Variants in ZNF804A observed in about 807,000 individuals in gnomAD.
The protein encoded by ZNF804A is zinc finger protein 804A.
Under a neutral mutation model 16.5 loss-of-function variants are expected in ZNF804A, and 2 were observed. The ratio of observed to expected loss-of-function variants is 0.12; its 90% confidence interval spans 0.05 to 0.38. The LOEUF is 0.38. Among genes scored for constraint, ZNF804A ranks in the 10% least tolerant of loss-of-function variants. The pLI, the probability that ZNF804A is intolerant of heterozygous loss-of-function variation, is 0.99. For missense variants in ZNF804A, 1,473 were observed against 1,390.7 expected (o/e 1.06, Z -0.94); for synonymous variants, 534 against 489.6 (o/e 1.09, Z -1.20).
At chr2:184,604,255 C>T (rs1691101304) in intron 1 of ZNF804A, among the ~76,000 whole-genome samples, 3 of 145,374 alleles carry the variant, frequency 2.1e-5, no homozygotes, top group South Asian at 2.2e-4. Context: ...ACTGCAAGCT[C>T]CGCCTCCCGG....
At chr2:184,670,383 AT>A (rs890835729) in intron 1 of ZNF804A, among the ~76,000 whole-genome samples, 4 of 151,474 alleles carry the variant, frequency 2.6e-5, no homozygotes, top group African/African-American at 9.7e-5. Flanking sequence ...CCTTTATTTT[AT>A]TTTTTTTCTG....
At chr2:184,856,351 TA>T (rs879343609) in intron 1 of ZNF804A, among the ~76,000 whole-genome samples, 153 of 146,026 alleles carry the variant, frequency 1.0e-3, no homozygotes, top group Admixed American at 3.5e-3. Context: ...TCTTTTTATC[TA>T]AAAAAAAAAA....
chr2:184,730,580 C>A (rs1693497947), intron 1 of ZNF804A, among the ~76,000 whole-genome samples: 1 of 152,156 alleles, frequency 6.6e-6, no homozygotes, highest in Non-Finnish European at 1.5e-5. Context: ...TTTACTGTTT[C>A]CCTAGTTTTG....
intron 1 of ZNF804A, among the ~76,000 whole-genome samples, chr2:184,604,146 CTTTTTTTTTTTTTTTTTT>C (rs759053144): frequency 0.014 from 616 of 44,798 alleles, 9 homozygotes; most frequent in African/African-American, 0.04. Flanking sequence ...ACTGCAATTA[CTTTTTTTTTTTTTTTTTT>C]TTTTTTTTTT....
intron 1 of ZNF804A, among the ~76,000 whole-genome samples, chr2:184,605,525 C>T (rs913497180): frequency 6.6e-6 from 1 of 151,996 alleles, no homozygotes; most frequent in Non-Finnish European, 1.5e-5. Context: ...AGAAAAAAAG[C>T]ACATTGTATT....
chr2:184,910,601 A>G (rs1177258642), intron 2 of ZNF804A, among the ~76,000 whole-genome samples: 1 of 152,086 alleles, frequency 6.6e-6, no homozygotes, highest in Non-Finnish European at 1.5e-5. Context: ...AACAGTGTAG[A>G]AGCATTCTCT....
At position 184,859,716 on chromosome 2, in the gene ZNF804A, T is replaced by C. The variant is rs142320089; in HGVS notation, c.112-6653T>C. Among the ~76,000 whole-genome samples the C allele has an allele frequency of 2.3e-4, 35 of 152,356 alleles. No individual in the cohort carries two copies. The East Asian group carries it at 6.8e-3, about 29-fold the overall frequency. On this transcript the variant is annotated intron_variant, in intron 1 of 3. Transcript: ENST00000302277. ...ATGTGTATGCATTAGAAATAGTTTA[T>C]TATTCCAGGTTCTTTGTCTGGGAAA...
chr2:184,882,139 A>C (rs1424398524), intron 2 of ZNF804A, among the ~76,000 whole-genome samples: 7 of 152,080 alleles, frequency 4.6e-5, no homozygotes, highest in Non-Finnish European at 1.0e-4. Flanking sequence ...AGGGGTTCCT[A>C]TTATAATTTC....
intron 1 of ZNF804A, among the ~76,000 whole-genome samples, chr2:184,728,923 T>C (rs1411127159): frequency 1.3e-5 from 2 of 151,864 alleles, no homozygotes; most frequent in African/African-American, 2.4e-5. Context: ...TGATATTAAG[T>C]GAAATAAGCC....
intron 1 of ZNF804A, among the ~76,000 whole-genome samples, chr2:184,762,997 G>A (rs940527885): frequency 1.3e-5 from 2 of 152,086 alleles, no homozygotes; most frequent in Admixed American, 6.6e-5. Context: ...TAGCCATTTA[G>A]TCATTAGAAT....
At chr2:184,789,186 C>T (rs974335506) in intron 1 of ZNF804A, among the ~76,000 whole-genome samples, 1 of 151,986 alleles carries the variant, frequency 6.6e-6, no homozygotes, top group African/African-American at 2.4e-5. Context: ...CTGGAATAAG[C>T]CCACTTGATC....
intron 1 of ZNF804A, among the ~76,000 whole-genome samples, chr2:184,807,851 T>C (rs1694834670): frequency 6.6e-6 from 1 of 151,692 alleles, no homozygotes; most frequent in Admixed American, 6.6e-5. Flanking sequence ...GCCTTGAATA[T>C]TTGTACAAAG....
chr2:184,700,896 T>C lies in ZNF804A; in HGVS notation c.111+101826T>C, dbSNP rs1027741600. 6.6e-5 allele frequency among the ~76,000 whole-genome samples: 10 copies of C among 152,076 alleles called. No homozygotes were observed. In the East Asian group the frequency reaches 1.5e-3, roughly 24 times the overall value. ...AGAGGAGTTCTGATATATGTATTCA[T>C]TGTATAGTGATTAAATCAGAGTAAT... On this transcript the variant is annotated intron_variant, in intron 1 of 3. Transcript: ENST00000302277.
chr2:184,682,350 C>A (rs1055138002), intron 1 of ZNF804A, among the ~76,000 whole-genome samples: 22 of 152,274 alleles, frequency 1.4e-4, no homozygotes, highest in South Asian at 1.0e-3. Context: ...TGTATTTAAT[C>A]TTTAAGTAGT....
At position 184,938,854 on chromosome 2, in the gene ZNF804A, C is replaced by G; in HGVS notation, c.3458C>G (p.Pro1153Arg). Residue 1153 changes from proline to arginine, a missense_variant, in exon 4 of 4, where the codon CCG (proline) becomes CGG (arginine). Pro to Arg is a moderately radical substitution (Grantham distance 103). Transcript: ENST00000302277. ...CAGCTCTCAGTAGGACCAGTAGGAC[C>G]GAGGCTTTGTCCTGGGAACCAGCCA... ...LPQLSVGPVG[P>R]RLCPGNQPTF... is the part of the protein sequence containing the mutation. The G allele has an allele frequency of 5.6e-6, 9 of 1,613,986 alleles. No homozygotes were observed. Among genetic ancestry groups the G allele is most frequent in the Non-Finnish European group, 7.6e-6 (9 of 1,179,978 alleles).
At chr2:184,829,908 AAAAAAAAAAAAAAACAAAAAC>A (rs1459003366) in intron 1 of ZNF804A, among the ~76,000 whole-genome samples, 8 of 107,678 alleles carry the variant, frequency 7.4e-5, no homozygotes, top group African/African-American at 4.3e-4. Flanking sequence ...CCAAAAAAAA[AAAAAAAAAAAAAAACAAAAAC>A]AAAAAAAAAA....
At chr2:184,727,902 A>T (rs957908601) in intron 1 of ZNF804A, among the ~76,000 whole-genome samples, 3 of 151,750 alleles carry the variant, frequency 2.0e-5, no homozygotes, top group African/African-American at 7.2e-5. Context: ...TGCAAATTAA[A>T]CTCAGAGAAT....
intron 1 of ZNF804A, among the ~76,000 whole-genome samples, chr2:184,692,321 G>A (rs191068549): frequency 2.0e-5 from 3 of 152,234 alleles, no homozygotes; most frequent in East Asian, 3.9e-4. Context: ...TAGGACTAGC[G>A]CCATGTGTTG....
At chr2:184,650,709 A>G (rs999380694) in intron 1 of ZNF804A, among the ~76,000 whole-genome samples, 1 of 152,064 alleles carries the variant, frequency 6.6e-6, no homozygotes, top group Non-Finnish European at 1.5e-5. Flanking sequence ...AAAACAAAAC[A>G]AAGAACCAAA....
Sources: allele counts gnomAD v4.1 joint callset (sites outside exome capture counted in the v4.1 genomes callset), GRCh38; gene constraint gnomAD v4.1.1; transcripts MANE v1.5; gene names NCBI Gene and HGNC (gene_info 2026-07-23, HGNC 2026-07-21).